The following POR variants were observed in gnomAD, a reference collection of about 807,000 sequenced individuals.
POR encodes cytochrome p450 oxidoreductase.
POR carries 56 observed loss-of-function variants against 84.0 expected under a neutral mutation model. The ratio of observed to expected loss-of-function variants is 0.67; its 90% CI spans 0.54 to 0.83. POR has a LOEUF of 0.83. Among genes scored for constraint, POR ranks in the 40% least tolerant of loss-of-function variants. The pLI is 0.00. For synonymous variants in POR, 414 were observed against 400.5 expected (o/e 1.03, Z -0.40); for missense variants, 938 against 944.3 (o/e 0.99, Z 0.09).
intron 3 of POR, among the ~76,000 whole-genome samples, chr7:75,976,398 G>A (rs977474677): frequency 1.3e-5 from 2 of 151,154 alleles, no homozygotes; most frequent in South Asian, 2.1e-4. Context: ...AGCCAAGATC[G>A]CACCACTGCA....
chr7:75,945,010 G>A (rs1367210274), intron 1 of POR, among the ~76,000 whole-genome samples: 6 of 152,094 alleles, frequency 3.9e-5, no homozygotes, highest in Non-Finnish European at 7.4e-5. Context: ...AATGGCGGCC[G>A]GGCACGGTGG....
chr7:75,924,119 CA>C (rs1807004314), intron 1 of POR, among the ~76,000 whole-genome samples: 1 of 152,044 alleles, frequency 6.6e-6, no homozygotes, highest in African/African-American at 2.4e-5. Flanking sequence ...AAGAGTCCTG[CA>C]GCAGTCGACC....
At chr7:75,932,305 CG>C (rs1807460440) in intron 1 of POR, among the ~76,000 whole-genome samples, 1 of 151,934 alleles carries the variant, frequency 6.6e-6, no homozygotes, top group Non-Finnish European at 1.5e-5. Context: ...CTCAGCCCCC[CG>C]AGTAGCTAGA....
intron 1 of POR, among the ~76,000 whole-genome samples, chr7:75,932,977 G>A (rs1807490191): frequency 6.7e-6 from 1 of 150,196 alleles, no homozygotes; most frequent in African/African-American, 2.5e-5. Flanking sequence ...GAGCGAGATG[G>A]CACCACTGCA....
intron 1 of POR, among the ~76,000 whole-genome samples, chr7:75,940,396 C>G (rs754123876): frequency 6.6e-6 from 1 of 151,894 alleles, no homozygotes; most frequent in Non-Finnish European, 1.5e-5. Context: ...TTACTCTTAT[C>G]TTAGATATCA....
At chr7:75,924,798 C>T (rs10281803) in intron 1 of POR, among the ~76,000 whole-genome samples, 10,200 of 152,078 alleles carry the variant, frequency 0.067, 1,087 homozygotes, top group African/African-American at 0.23. Flanking sequence ...TGAGTGTAAC[C>T]GTTGAGTGTC....
chr7:75,948,545 A>AG (rs1329196152), intron 1 of POR, among the ~76,000 whole-genome samples: 1 of 152,240 alleles, frequency 6.6e-6, no homozygotes, highest in Non-Finnish European at 1.5e-5. Flanking sequence ...TGTTAGAGAC[A>AG]GGCAGCATGA....
intron 6 of POR, 54 bp from the exon 7 acceptor site, chr7:75,981,463 C>T (rs1290470844): frequency 2.1e-5 from 32 of 1,506,442 alleles, no homozygotes; most frequent in Non-Finnish European, 2.5e-5. Context: ...CACCAGGTAC[C>T]GTTGCCACAT....
At position 75,985,843 on chromosome 7, in the gene POR, C is replaced by G; in HGVS notation, c.1663C>G (p.Gln555Glu). ...CATCCAGGAGCGGGCCTGGCTGCGA[C>G]AGCAGGGTGAGTGGGGTCCCATGGG... The change falls in exon 13 of 16, where the codon CAG becomes GAG. Residue 555 changes from glutamine to glutamate, a missense_variant. Transcript: ENST00000461988. The G allele has an allele frequency of 1.9e-6, 3 of 1,550,022 alleles. No individual in the cohort carries two copies. Among genetic ancestry groups the G allele is most frequent in the Non-Finnish European group, 2.6e-6 (3 of 1,144,282 alleles).
chr7:75,973,444 G>T (rs1204024961), intron 3 of POR, among the ~76,000 whole-genome samples: 1 of 151,868 alleles, frequency 6.6e-6, no homozygotes, highest in African/African-American at 2.4e-5. Flanking sequence ...CTCCCAAGTA[G>T]CTGGGACTAC....
At position 75,968,228 on chromosome 7, in the gene POR, G is replaced by A. The variant is rs116640084; in HGVS notation, c.189-4185G>A. The A allele has an allele frequency of 1.1e-3, 513 of 466,734 alleles. 2 individuals carry two copies. Among genetic ancestry groups the A allele is most frequent in the African/African-American group, 9.4e-3 (469 of 50,126 alleles). The allele number at this position is 466,734 out of a possible 1,614,324, so 28.9% of individuals were successfully genotyped here. ...CGAGTGTGGGAGACTTCCTCCTGGC[G>A]GGGACCTGCTGGAGGCCTGAAGATG... is the stretch of plus-strand genomic sequence containing the variant. On this transcript the variant is annotated intron_variant, in intron 2 of 15. Transcript: ENST00000461988.
chr7:75,973,148 C>T (rs1348326425), intron 3 of POR, among the ~76,000 whole-genome samples: 1 of 152,008 alleles, frequency 6.6e-6, no homozygotes, highest in East Asian at 1.9e-4. Flanking sequence ...TTGTAGGCAT[C>T]AGTACTACAT....
intron 7 of POR, 174 bp downstream of exon 7, chr7:75,981,780 A>G (rs1789062288): frequency 3.2e-6 from 2 of 619,620 alleles, no homozygotes; most frequent in Non-Finnish European, 5.6e-6. Context: ...GTTGCTCTGC[A>G]CTGCCCTGGG....
In POR at chr7:75,985,980, A is replaced by G. The variant is rs1789426805; in HGVS notation, c.1727A>G (p.Tyr576Cys). The change falls in exon 14 of 16, where the codon TAC (tyrosine) becomes TGC (cysteine). Residue 576 changes from tyrosine to cysteine, a missense_variant. Transcript: ENST00000461988. ...GGCTGCCGCCGCTCGGATGAGGACT[A>G]CCTGTACCGGGAGGAGCTGGCGCAG... is the stretch of plus-strand genomic sequence containing the variant. 6.3e-7 allele frequency: 1 copy of G among 1,583,162 alleles called. No homozygotes were observed.
chr7:75,974,519 CTTTTCTTTTTTT>C (rs1788585453), intron 3 of POR, among the ~76,000 whole-genome samples: 2 of 119,290 alleles, frequency 1.7e-5, no homozygotes, highest in Non-Finnish European at 3.5e-5. Context: ...TTTCTTTTTT[CTTTTCTTTTTTT>C]TTTTTTTTTT....
intron 2 of POR, among the ~76,000 whole-genome samples, chr7:75,964,568 A>G (rs950093291): frequency 1.2e-4 from 19 of 152,170 alleles, no homozygotes; most frequent in Non-Finnish European, 2.4e-4. Context: ...TCAGCCTTCC[A>G]AAGTGTTGGG....
chr7:75,957,675 T>G (rs1554553942), intron 2 of POR, among the ~76,000 whole-genome samples: 2 of 152,184 alleles, frequency 1.3e-5, no homozygotes, highest in Admixed American at 1.3e-4. Context: ...CCAAAGCACT[T>G]GTATTTTTTT....
Position 75,983,600 on chromosome 7 carries a change from T to C in POR, c.911T>C (p.Met304Thr), listed in dbSNP as rs1554558476. The change falls in exon 9 of 16, where the codon ATG becomes ACG. Residue 304 changes from methionine to threonine, a missense_variant. Transcript: ENST00000461988. Reference sequence around the variant, plus strand: ...AACCAGGGAACCGAGCGCCACCTCATGCACCTGGAATTGGACATCTCGGAC... The same window carrying C: ...AACCAGGGAACCGAGCGCCACCTCACGCACCTGGAATTGGACATCTCGGAC... 2 of 1,612,966 alleles carry C rather than the reference T, an allele frequency of 1.2e-6. No individual in the cohort carries two copies. The highest frequency in any genetic ancestry group is 1.7e-6 in the Non-Finnish European group (2 of 1,179,816).
chr7:75,969,329 G>A (rs782604475), intron 2 of POR, among the ~76,000 whole-genome samples: 14 of 152,164 alleles, frequency 9.2e-5, no homozygotes, highest in Non-Finnish European at 1.5e-4. Context: ...GTGCAGTCCC[G>A]TGCCTGTCTA....
Sources: allele counts gnomAD v4.1 joint callset (sites outside exome capture counted in the v4.1 genomes callset), GRCh38; gene constraint gnomAD v4.1.1; transcripts MANE v1.5; gene names NCBI Gene and HGNC (gene_info 2026-07-23, HGNC 2026-07-21).